The following RIT2 variants were observed in gnomAD, a reference collection of about 807,000 sequenced individuals.
The protein encoded by RIT2 is Ras like without CAAX 2, also known as GTP-binding protein Rit2.
In RIT2, 24 loss-of-function variants were observed where a neutral mutation model predicts 23.7. The ratio of observed to expected loss-of-function variants is 1.01; its 90% CI spans 0.73 to 1.43. The LOEUF is 1.43. Among genes scored for constraint, RIT2 ranks in the 40% most tolerant of loss-of-function variants. The pLI is 0.00. For missense variants in RIT2, 236 were observed against 266.9 expected (o/e 0.88, Z 0.81); for synonymous variants, 107 against 91.1 (o/e 1.17, Z -0.99).
In RIT2 at chr18:42,895,130, TAA is replaced by T. The variant is rs1480762319; in HGVS notation, c.426+28440_426+28441del. ...CATTTTAATCTTATGCAATTAGATA[TAA>T]GATATGAATTGGAAACTCCTTTCAA... is the stretch of plus-strand genomic sequence containing the variant. On this transcript the variant is annotated intron_variant, in intron 4 of 4. Transcript: ENST00000326695. 2.6e-5 allele frequency among the ~76,000 whole-genome samples: 4 copies of T among 152,336 alleles called. No homozygotes were observed. The South Asian group carries it at 8.3e-4, about 32-fold the overall frequency.
At chr18:42,984,230 A>C (rs1424074964) in intron 2 of RIT2, among the ~76,000 whole-genome samples, 2 of 152,078 alleles carry the variant, frequency 1.3e-5, no homozygotes, top group African/African-American at 4.8e-5. Flanking sequence ...GAATAATAAA[A>C]AAGCAGTGGA....
intron 1 of RIT2, among the ~76,000 whole-genome samples, chr18:43,046,681 G>T (rs911769819): frequency 6.6e-6 from 1 of 152,106 alleles, no homozygotes; most frequent in Non-Finnish European, 1.5e-5. Context: ...AACCCTTAGG[G>T]TCTGAGAGGC....
At chr18:42,837,048 C>A (rs1223953145) in intron 4 of RIT2, among the ~76,000 whole-genome samples, 1 of 151,876 alleles carries the variant, frequency 6.6e-6, no homozygotes, top group East Asian at 1.9e-4. Context: ...CTAATGCACA[C>A]CCACATCACA....
At chr18:43,082,780 G>A (rs1238794110) in intron 1 of RIT2, among the ~76,000 whole-genome samples, 1 of 151,986 alleles carries the variant, frequency 6.6e-6, no homozygotes, top group Non-Finnish European at 1.5e-5. Context: ...ATATCATACT[G>A]AATGGGCAAA....
At chr18:43,029,960 G>A (rs1911817232) in intron 2 of RIT2, among the ~76,000 whole-genome samples, 1 of 151,934 alleles carries the variant, frequency 6.6e-6, no homozygotes, top group Non-Finnish European at 1.5e-5. Flanking sequence ...GGACTCTAAA[G>A]TTACTATAGC....
At chr18:42,789,680 C>G (rs1486950476) in intron 4 of RIT2, among the ~76,000 whole-genome samples, 1 of 152,050 alleles carries the variant, frequency 6.6e-6, no homozygotes, top group Admixed American at 6.5e-5. Context: ...AATTTTTTAT[C>G]CTAAAATTTC....
intron 2 of RIT2, among the ~76,000 whole-genome samples, chr18:43,026,271 G>T (rs982060978): frequency 6.6e-6 from 1 of 151,884 alleles, no homozygotes; most frequent in Non-Finnish European, 1.5e-5. Context: ...GATAAGAAAG[G>T]TTGGCCGGGC....
chr18:42,789,466 T>A (rs1474038307), intron 4 of RIT2, among the ~76,000 whole-genome samples: 1 of 152,230 alleles, frequency 6.6e-6, no homozygotes, highest in African/African-American at 2.4e-5. Context: ...TCCATGAGCA[T>A]GTGAAGTTTC....
intron 4 of RIT2, among the ~76,000 whole-genome samples, chr18:42,816,823 G>A (rs947120457): frequency 1.3e-5 from 2 of 152,118 alleles, no homozygotes; most frequent in Admixed American, 6.5e-5. Flanking sequence ...GGAGGAGAGG[G>A]AGAGGAAACT....
chr18:43,059,291 G>A (rs1912585197), intron 1 of RIT2, among the ~76,000 whole-genome samples: 2 of 152,068 alleles, frequency 1.3e-5, no homozygotes, highest in South Asian at 2.1e-4. Context: ...GATGTCAACA[G>A]TGAGTTTCAG....
chr18:42,909,268 C>T (rs931506249), intron 4 of RIT2, among the ~76,000 whole-genome samples: 1 of 152,036 alleles, frequency 6.6e-6, no homozygotes, highest in Middle Eastern at 3.2e-3. Flanking sequence ...GAGAGCTAAG[C>T]TATGAGGATG....
At chr18:43,023,270 A>T (rs760207347) in intron 2 of RIT2, among the ~76,000 whole-genome samples, 14 of 152,084 alleles carry the variant, frequency 9.2e-5, no homozygotes, top group Non-Finnish European at 1.5e-4. Flanking sequence ...AAAAATTATG[A>T]TGATCATAAG....
chr18:42,907,701 C>T (rs180837236), intron 4 of RIT2, among the ~76,000 whole-genome samples: 1 of 152,116 alleles, frequency 6.6e-6, no homozygotes, highest in African/African-American at 2.4e-5. Context: ...AAGATTTTAG[C>T]CAGGTATGGT....
chr18:42,976,775 G>A (rs530845821), intron 2 of RIT2, among the ~76,000 whole-genome samples: 57 of 152,200 alleles, frequency 3.7e-4, no homozygotes, highest in African/African-American at 1.3e-3. Flanking sequence ...TGGCTGAAAT[G>A]TGGTGAGTGA....
In RIT2 at chr18:42,758,484, AT is replaced by A. The variant is rs1250693470; in HGVS notation, c.427-14765del. 1.3e-4 allele frequency among the ~76,000 whole-genome samples: 3 copies of A among 23,856 alleles called. No individual in the cohort carries two copies. In the East Asian group the frequency reaches 5.1e-3, roughly 40 times the overall value. The allele number at this position is 23,856 out of a possible 152,430, so 15.7% of individuals were successfully genotyped here. Reference sequence around the variant, plus strand: ...GCTTTCCTCCTTTCTTGACATTCTAATCCTTTTTTTTTTTGATAACCCTTGT... The same window carrying A: ...GCTTTCCTCCTTTCTTGACATTCTAACCTTTTTTTTTTTGATAACCCTTGT... On this transcript the variant is annotated intron_variant, in intron 4 of 4. Transcript: ENST00000326695.
At chr18:43,045,551 T>A (rs568726397) in intron 1 of RIT2, among the ~76,000 whole-genome samples, 64 of 152,172 alleles carry the variant, frequency 4.2e-4, no homozygotes, top group Non-Finnish European at 8.1e-4. Flanking sequence ...GTGATTTAAG[T>A]GTTGTAATAT....
chr18:42,850,125 C>T (rs1227454779), intron 4 of RIT2, among the ~76,000 whole-genome samples: 3 of 137,494 alleles, frequency 2.2e-5, no homozygotes, highest in Non-Finnish European at 3.1e-5. Flanking sequence ...ATATACATAA[C>T]GAGATTAATA....
At chr18:42,877,776 C>T (rs1056511396) in intron 4 of RIT2, among the ~76,000 whole-genome samples, 2 of 151,466 alleles carry the variant, frequency 1.3e-5, no homozygotes, top group Non-Finnish European at 3.0e-5. Context: ...AAACCACAGT[C>T]AAAACTTTAT....
chr18:42,788,364 TG>T (rs1381302077), intron 4 of RIT2, among the ~76,000 whole-genome samples: 3 of 152,190 alleles, frequency 2.0e-5, no homozygotes, highest in African/African-American at 7.2e-5. Flanking sequence ...CACCAATACT[TG>T]GCAAGATGAT....
Sources: gnomAD v4.1 joint callset for allele counts (sites outside exome capture counted in the v4.1 genomes callset) on GRCh38, gnomAD v4.1.1 for gene constraint, MANE v1.5 for transcripts, NCBI Gene and HGNC (gene_info 2026-07-23, HGNC 2026-07-21) for gene names.